The following GNB5 variants were observed in gnomAD, a reference collection of about 807,000 sequenced individuals.
GNB5 encodes G protein subunit beta 5, also known as guanine nucleotide-binding protein subunit beta-5.
Under a neutral mutation model 55.3 loss-of-function variants are expected in GNB5, and 37 were observed. The observed-to-expected ratio is 0.67, with a 90% CI of 0.51 to 0.88. The LOEUF (loss-of-function observed/expected upper bound fraction) is 0.88. Among genes scored for constraint, GNB5 ranks in the 40% least tolerant of loss-of-function variants. GNB5 has a pLI of 0.00. For missense variants in GNB5, 476 were observed against 515.3 expected, an observed-to-expected ratio of 0.92 and a Z score of 0.74; for synonymous variants, 219 against 198.5, an observed-to-expected ratio of 1.10 and a Z score of -0.87.
At chr15:52,163,380 C>T (rs550359673) in intron 3 of GNB5, among the ~76,000 whole-genome samples, 161 of 152,328 alleles carry the variant, frequency 1.1e-3, no homozygotes, top group Non-Finnish European at 1.7e-3. Context: ...TAAGCACCGT[C>T]GTTCAGCGGG....
intron 3 of GNB5, among the ~76,000 whole-genome samples, chr15:52,171,316 C>A (rs2034550827): frequency 6.6e-6 from 1 of 152,034 alleles, no homozygotes; most frequent in Non-Finnish European, 1.5e-5. Context: ...AATCCTCTAT[C>A]TAGTACAGTC....
At chr15:52,128,580 T>C (rs2033487623) in intron 9 of GNB5, 1 of 555,540 alleles carries the variant, frequency 1.8e-6, no homozygotes, top group Non-Finnish European at 3.4e-6. Context: ...AAAGTGGTTA[T>C]GAGCACAGAC....
chr15:52,169,810 G>T (rs575024594), intron 3 of GNB5, among the ~76,000 whole-genome samples: 1 of 152,026 alleles, frequency 6.6e-6, no homozygotes, highest in African/African-American at 2.4e-5. Context: ...AAATGTTTGT[G>T]ATCTATCCAT....
rs565853950 is a variant in GNB5 at position 52,149,767 on chromosome 15, C to A, written c.417+117G>T. 124 of 778,650 alleles carry A rather than the reference C, an allele frequency of 1.6e-4. 2 individuals carry two copies. The South Asian group carries it at 1.7e-3, about 11-fold the overall frequency. The allele number at this position is 778,650 out of a possible 1,614,324, so 48.2% of individuals were successfully genotyped here. A position where few individuals can be genotyped will look rare whatever the true frequency, so the allele number is the denominator to read the frequency against. The stretch of plus-strand genomic sequence containing the variant: ...TTGGGGTTTCCATCCGTAGAGGCAA[C>A]TGCTTGCAGGGATACATGGAGAGAA... On this transcript the variant is annotated intron_variant, in intron 5 of 12. Coordinates refer to ENST00000261837, the MANE Select transcript of GNB5 (RefSeq NM_016194.4).
At chr15:52,184,324 A>G in intron 2 of GNB5, among the ~76,000 whole-genome samples, 1 of 152,230 alleles carries the variant, frequency 6.6e-6, no homozygotes, top group Admixed American at 6.5e-5. Context: ...GAGAGAGGTG[A>G]GAACCTCCTT....
chr15:52,144,676 C>A (rs1311112192), intron 6 of GNB5, among the ~76,000 whole-genome samples: 1 of 152,082 alleles, frequency 6.6e-6, no homozygotes. Flanking sequence ...TCCAGAGGAA[C>A]TTGAGACTAA....
intron 3 of GNB5, among the ~76,000 whole-genome samples, chr15:52,159,305 G>A (rs2034282175): frequency 6.6e-6 from 1 of 152,120 alleles, no homozygotes; most frequent in Non-Finnish European, 1.5e-5. Flanking sequence ...TTGGAGGACA[G>A]CGTCGATGGA....
chr15:52,126,541 T>A (rs188005840), intron 10 of GNB5, among the ~76,000 whole-genome samples: 1 of 152,318 alleles, frequency 6.6e-6, no homozygotes, highest in East Asian at 1.9e-4. Flanking sequence ...TCTCATATCA[T>A]TAAAAGAGAA....
At chr15:52,178,879 C>A (rs953203751) in intron 3 of GNB5, among the ~76,000 whole-genome samples, 1 of 152,202 alleles carries the variant, frequency 6.6e-6, no homozygotes, top group East Asian at 1.9e-4. Context: ...AGGAGGGCAC[C>A]GTGGGAGGTG....
At position 52,118,193 on chromosome 15, in the gene GNB5, T is replaced by C. The variant is rs1472409979; in HGVS notation, c.*4564A>G. 1 of 152,338 alleles carries C rather than the reference T, an allele frequency of 6.6e-6. No individual in the cohort carries two copies. Among genetic ancestry groups the C allele is most frequent in the East Asian group, 1.9e-4 (1 of 5,186 alleles). 9.4% of individuals were successfully genotyped at this position (152,338 alleles called of 1,614,324 possible). On this transcript the variant is annotated 3_prime_UTR_variant, in exon 13 of 13. Coordinates refer to ENST00000261837, the MANE Select transcript of GNB5 (RefSeq NM_016194.4). ...TGTCACCTCTTTCTTTGCCAAGCTC[T>C]TCCAAGGCCCTTAGTGGTTTCTGGG...
Position 52,137,475 on chromosome 15 carries a change from G to A in GNB5, c.628-1719C>T, listed in dbSNP as rs1357209194. 4.9e-6 allele frequency: 5 copies of A among 1,016,886 alleles called. No homozygotes were observed. The African/African-American group carries it at 8.6e-5, about 18-fold the overall frequency. 63.0% of individuals were successfully genotyped at this position (1,016,886 alleles called of 1,614,324 possible). A position where few individuals can be genotyped will look rare whatever the true frequency, so the allele number is the denominator to read the frequency against. On this transcript the variant is annotated intron_variant, in intron 7 of 12. Coordinates refer to ENST00000261837, the MANE Select transcript of GNB5 (RefSeq NM_016194.4). Reference sequence around the variant, plus strand: ...GTGGGGACTCAGTCTGAAGCCAAGAGAGCACTCTGGAAGCTTCTGGGCAGG... The same window carrying A: ...GTGGGGACTCAGTCTGAAGCCAAGAAAGCACTCTGGAAGCTTCTGGGCAGG...
chr15:52,150,570 C>T (rs2034071255), intron 4 of GNB5, among the ~76,000 whole-genome samples: 1 of 152,212 alleles, frequency 6.6e-6, no homozygotes, highest in South Asian at 2.1e-4. Flanking sequence ...GCGATATGCA[C>T]CCATCGTGGT....
At chr15:52,183,092 C>T (rs1379682547) in intron 2 of GNB5, among the ~76,000 whole-genome samples, 3 of 152,306 alleles carry the variant, frequency 2.0e-5, no homozygotes, top group Admixed American at 6.5e-5. Context: ...TCAGAGGTTG[C>T]AGTGAGCCGA....
At chr15:52,189,268 T>C (rs985571422) in intron 1 of GNB5, among the ~76,000 whole-genome samples, 5 of 152,192 alleles carry the variant, frequency 3.3e-5, no homozygotes, top group African/African-American at 1.2e-4. Flanking sequence ...GACCCCGCAA[T>C]CCTACTTCTA....
intron 3 of GNB5, among the ~76,000 whole-genome samples, chr15:52,175,476 C>T (rs1421621715): frequency 2.0e-5 from 3 of 152,200 alleles, no homozygotes; most frequent in Non-Finnish European, 4.4e-5. Context: ...CATTAGCTCA[C>T]GCCTGTAATC....
chr15:52,166,116 G>A lies in GNB5; in HGVS notation c.239-12040C>T, dbSNP rs940109430. Among the ~76,000 whole-genome samples the A allele has an allele frequency of 2.6e-5, 4 of 152,336 alleles. No individual in the cohort carries two copies. The East Asian group carries it at 7.7e-4, about 29-fold the overall frequency. ...GAGAAGGGCATTACATAATGGTAAA[G>A]TGTTCAATTCAACAAGAAGAGCTAA... On this transcript the variant is annotated intron_variant, in intron 3 of 12. Coordinates refer to ENST00000261837, the MANE Select transcript of GNB5 (RefSeq NM_016194.4).
chr15:52,179,829 G>T lies in GNB5; in HGVS notation c.177C>A (p.Ser59Arg). 6 of 1,553,804 alleles carry T rather than the reference G, an allele frequency of 3.9e-6. No homozygotes were observed. Among genetic ancestry groups the T allele is most frequent in the Non-Finnish European group, 5.2e-6 (6 of 1,151,362 alleles). Residue 59 changes from serine to arginine, a missense_variant, in exon 3 of 13, where the codon AGC (serine) becomes AGA (arginine). Physicochemically the swap from Ser to Arg is moderately radical, Grantham distance 110 (BLOSUM62 -1). Coordinates refer to ENST00000261837, the MANE Select transcript of GNB5 (RefSeq NM_016194.4). ...GCTTGCCCTTGAGGCTCTCGGCCTC[G>T]CTCTTCAGCGACGCCAGCGTCTCGT... ...HENETLASLK[S>R]EAESLKGKLE... is the part of the protein sequence containing the mutation.
intron 3 of GNB5, among the ~76,000 whole-genome samples, chr15:52,171,963 G>C (rs1030546177): frequency 1.3e-5 from 2 of 152,174 alleles, no homozygotes; most frequent in Non-Finnish European, 2.9e-5. Flanking sequence ...TCAAGGACCT[G>C]GGAATTGGAG....
intron 4 of GNB5, 35 bp downstream of exon 4, chr15:52,153,905 A>G (rs1053371434): frequency 6.3e-7 from 1 of 1,585,722 alleles, no homozygotes; most frequent in African/African-American, 1.3e-5. Context: ...AAAATCCAAA[A>G]CCCGCTCACC....
Sources: gnomAD v4.1 joint callset for allele counts (sites outside exome capture counted in the v4.1 genomes callset) on GRCh38, gnomAD v4.1.1 for gene constraint, MANE v1.5 for transcripts, NCBI Gene and HGNC (gene_info 2026-07-23, HGNC 2026-07-21) for gene names.